The following SLC8A3 variants were observed in gnomAD, a reference collection of about 807,000 sequenced individuals.
The protein encoded by SLC8A3 is solute carrier family 8 member A3, also known as sodium/calcium exchanger 3.
Under a neutral mutation model 65.4 loss-of-function variants are expected in SLC8A3, and 37 were observed. That is an observed-to-expected ratio of 0.57 (90% CI 0.44 to 0.74). The LOEUF is 0.74. Ranked by LOEUF, SLC8A3 falls within the 30% of genes least tolerant of loss-of-function variation. SLC8A3 has a pLI of 0.00. For missense variants in SLC8A3, 1,112 were observed against 1,172.1 expected, an observed-to-expected ratio of 0.95 and a Z score of 0.75; for synonymous variants, 461 against 444.5, an observed-to-expected ratio of 1.04 and a Z score of -0.47.
chr14:70,132,659 T>A (rs1055170237), intron 2 of SLC8A3, among the ~76,000 whole-genome samples: 1 of 152,216 alleles, frequency 6.6e-6, no homozygotes, highest in Non-Finnish European at 1.5e-5. Flanking sequence ...TTTGAGGTCA[T>A]GATCCTGGCA....
chr14:70,169,286 CCAAA>C (rs1221342950), intron 1 of SLC8A3, among the ~76,000 whole-genome samples: 2 of 152,116 alleles, frequency 1.3e-5, no homozygotes, highest in Non-Finnish European at 2.9e-5. Flanking sequence ...CACCCCATAG[CCAAA>C]CAGAGGCCAT....
intron 2 of SLC8A3, among the ~76,000 whole-genome samples, chr14:70,086,133 T>C (rs1046211109): frequency 1.7e-4 from 26 of 152,224 alleles, no homozygotes; most frequent in Non-Finnish European, 2.9e-5. Flanking sequence ...GTGTTCTTTA[T>C]GTGCCACATA....
chr14:70,139,240 CT>C (rs1895411810), intron 2 of SLC8A3, among the ~76,000 whole-genome samples: 1 of 152,164 alleles, frequency 6.6e-6, no homozygotes, highest in Non-Finnish European at 1.5e-5. Context: ...GCTTCTCTCC[CT>C]CCTTTCATGA....
At chr14:70,166,482 G>A (rs1005353331) in intron 2 of SLC8A3, among the ~76,000 whole-genome samples, 157 bp downstream of exon 2, 1 of 152,226 alleles carries the variant, frequency 6.6e-6, no homozygotes, top group Non-Finnish European at 1.5e-5. Flanking sequence ...AGCAGAACCT[G>A]TCCAGTGGTG....
chr14:70,160,429 C>T (rs1896816166), intron 2 of SLC8A3, among the ~76,000 whole-genome samples: 1 of 151,630 alleles, frequency 6.6e-6, no homozygotes, highest in Non-Finnish European at 1.5e-5. Context: ...GATTCTGTCC[C>T]GAAATAAATA....
At chr14:70,057,180 A>C (rs1378480445) in intron 3 of SLC8A3, among the ~76,000 whole-genome samples, 1 of 152,232 alleles carries the variant, frequency 6.6e-6, no homozygotes. Flanking sequence ...TCTGCATGAT[A>C]CATAAACAAG....
chr14:70,186,250 T>C (rs1883206773), intron 1 of SLC8A3, among the ~76,000 whole-genome samples: 1 of 152,204 alleles, frequency 6.6e-6, no homozygotes, highest in African/African-American at 2.4e-5. Flanking sequence ...ACCATGATTG[T>C]AAACTTCCTA....
chr14:70,059,043 T>C (rs1426477369), intron 3 of SLC8A3: 1 of 152,192 alleles, frequency 6.6e-6, no homozygotes, highest in Non-Finnish European at 1.5e-5. Flanking sequence ...TGGGAAACAA[T>C]AGAACCAGAG....
At chr14:70,079,565 C>G (rs1167378378) in intron 2 of SLC8A3, among the ~76,000 whole-genome samples, 3 of 152,060 alleles carry the variant, frequency 2.0e-5, no homozygotes, top group Admixed American at 1.3e-4. Flanking sequence ...TGAACATTCT[C>G]TGGCTTAGGG....
At chr14:70,061,385 AG>A (rs570586200) in intron 2 of SLC8A3, among the ~76,000 whole-genome samples, 2 of 152,202 alleles carry the variant, frequency 1.3e-5, no homozygotes, top group African/African-American at 4.8e-5. Context: ...GGAATAACCC[AG>A]GGTCTTCCCA....
chr14:70,054,751 C>T (rs1390977037), intron 3 of SLC8A3, among the ~76,000 whole-genome samples: 5 of 152,038 alleles, frequency 3.3e-5, no homozygotes, highest in East Asian at 1.9e-4. Flanking sequence ...GAGTTACCTA[C>T]ATTTTTTTTG....
chr14:70,168,346 T>C lies in SLC8A3; in HGVS notation c.77A>G (p.Asn26Ser), dbSNP rs776130751. ...GCCACCAGCCTCTGCTCGAAGACCA[T>C]TCAGGAAGAGCACAAAGGTAACCAG... ...FGLVTFVLFLNGLRAEAGGSG... is the reference protein window; with the variant it reads ...FGLVTFVLFLSGLRAEAGGSG... Residue 26 changes from asparagine (N) to serine (S), a missense_variant, in exon 2 of 7, where the codon AAT becomes AGT. Physicochemically the swap from Asn to Ser is conservative, Grantham distance 46. Coordinates refer to ENST00000356921, the MANE Select transcript of SLC8A3 (RefSeq NM_182932.3). 5 of 1,613,918 alleles carry C rather than the reference T, an allele frequency of 3.1e-6. No individual in the cohort carries two copies. In the Middle Eastern group the frequency reaches 4.9e-4, roughly 159 times the overall value.
At chr14:70,068,543 A>T (rs1446824507) in intron 2 of SLC8A3, among the ~76,000 whole-genome samples, 4 of 151,916 alleles carry the variant, frequency 2.6e-5, no homozygotes, top group Non-Finnish European at 5.9e-5. Context: ...ATGCCCAGCT[A>T]ATTTTTAAAA....
At chr14:70,131,371 C>A (rs551572345) in intron 2 of SLC8A3, among the ~76,000 whole-genome samples, 94 of 152,312 alleles carry the variant, frequency 6.2e-4, no homozygotes, top group African/African-American at 2.1e-3. Flanking sequence ...TAGAATCAGA[C>A]AAGGTTTGGT....
intron 2 of SLC8A3, among the ~76,000 whole-genome samples, chr14:70,136,715 A>C (rs941830806): frequency 6.6e-6 from 1 of 152,168 alleles, no homozygotes; most frequent in African/African-American, 2.4e-5. Context: ...CACAACACCC[A>C]TCTCAACCTA....
At chr14:70,093,572 C>T (rs1321617341) in intron 2 of SLC8A3, among the ~76,000 whole-genome samples, 3 of 152,238 alleles carry the variant, frequency 2.0e-5, no homozygotes, top group Non-Finnish European at 4.4e-5. Context: ...AGGCCCTCTT[C>T]TAAACACAGA....
At chr14:70,074,968 T>G (rs1478869802) in intron 2 of SLC8A3, among the ~76,000 whole-genome samples, 1 of 152,124 alleles carries the variant, frequency 6.6e-6, no homozygotes, top group Admixed American at 6.6e-5. Context: ...CGAGTTTGAG[T>G]TCCGCTGCTG....
rs138244766 is a variant in SLC8A3, at chr14:70,048,321, G to A, written c.2389+446C>T. 5.5e-3 allele frequency: 1,868 copies of A among 341,560 alleles called. 27 individuals carry two copies. The highest frequency in any genetic ancestry group is 0.035 in the African/African-American group (1,661 of 48,082). 21.2% of individuals were successfully genotyped at this position (341,560 alleles called of 1,614,324 possible). On this transcript the variant is annotated intron_variant, in intron 6 of 6. Coordinates refer to ENST00000356921, the MANE Select transcript of SLC8A3 (RefSeq NM_182932.3). ...GCTAATCTTTAACCTCTCAGAGATC[G>A]CCAGAGGTAAATAGAAGGAGAACAA...
At chr14:70,084,836 T>C (rs1029675948) in intron 2 of SLC8A3, among the ~76,000 whole-genome samples, 2 of 152,156 alleles carry the variant, frequency 1.3e-5, no homozygotes, top group Non-Finnish European at 2.9e-5. Flanking sequence ...GAATTCTGTT[T>C]CCCAAATGGT....
Sources: gnomAD v4.1 joint callset for allele counts (sites outside exome capture counted in the v4.1 genomes callset) on GRCh38, gnomAD v4.1.1 for gene constraint, MANE v1.5 for transcripts, NCBI Gene and HGNC (gene_info 2026-07-23, HGNC 2026-07-21) for gene names.